Variants in ZBTB20 observed in about 807,000 individuals in gnomAD.
ZBTB20 encodes the protein zinc finger and BTB domain-containing protein 20.
In ZBTB20, 9 loss-of-function variants were observed where a neutral mutation model predicts 56.9. The ratio of observed to expected loss-of-function variants is 0.16; its 90% CI spans 0.10 to 0.28. The LOEUF (loss-of-function observed/expected upper bound fraction) is 0.28. Among genes scored for constraint, ZBTB20 ranks in the 10% least tolerant of loss-of-function variants. ZBTB20 has a pLI of 1.00. For missense variants in ZBTB20, 655 were observed against 1,003.0 expected, an observed-to-expected ratio of 0.65 and a Z score of 4.69; for synonymous variants, 417 against 420.7, an observed-to-expected ratio of 0.99 and a Z score of 0.11.
chr3:115,084,419 C>T (rs1208636142), intron 1 of ZBTB20, among the ~76,000 whole-genome samples: 1 of 151,504 alleles, frequency 6.6e-6, no homozygotes, highest in African/African-American at 2.4e-5. Flanking sequence ...TTAGTAAACA[C>T]TGAAATATTT....
intron 5 of ZBTB20, among the ~76,000 whole-genome samples, chr3:114,740,778 T>C (rs2108591122): frequency 6.6e-6 from 1 of 152,332 alleles, no homozygotes; most frequent in East Asian, 1.9e-4. Context: ...AACACTAAAA[T>C]ACATTTTTCC....
chr3:114,869,706 A>G (rs549434861), intron 4 of ZBTB20, among the ~76,000 whole-genome samples: 2 of 152,316 alleles, frequency 1.3e-5, no homozygotes, highest in Admixed American at 6.5e-5. Flanking sequence ...ACAATAAACT[A>G]TATGTGTGAA....
chr3:114,954,322 C>G (rs1455791333), intron 3 of ZBTB20, among the ~76,000 whole-genome samples: 1 of 151,974 alleles, frequency 6.6e-6, no homozygotes, highest in Non-Finnish European at 1.5e-5. Context: ...AATGATTCAA[C>G]AAACAGAAAA....
chr3:114,752,932 C>T (rs113966135), intron 5 of ZBTB20, among the ~76,000 whole-genome samples: 37 of 152,196 alleles, frequency 2.4e-4, no homozygotes, highest in African/African-American at 6.5e-4. Context: ...CACACATACA[C>T]CAGAACAAGC....
At chr3:114,572,773 T>C (rs1181821764) in intron 6 of ZBTB20, among the ~76,000 whole-genome samples, 2 of 152,230 alleles carry the variant, frequency 1.3e-5, no homozygotes, top group African/African-American at 4.8e-5. Context: ...ATCTGGTTCA[T>C]TCTCTCTGGC....
chr3:114,316,165 A>C lies in ZBTB20; in HGVS notation c.*22840T>G, dbSNP rs2078676914. On this transcript the variant is annotated 3_prime_UTR_variant, in exon 12 of 12. Transcript: ENST00000675478. ...AGCCAGAAACTGAAATCAAATCAAC[A>C]TGACTAAAAGAAATAACTGATGAAA... The C allele has an allele frequency of 4.0e-6, 1 of 247,580 alleles. No individual in the cohort carries two copies. Among genetic ancestry groups the C allele is most frequent in the Non-Finnish European group, 7.8e-6 (1 of 128,824 alleles). 15.3% of individuals were successfully genotyped at this position (247,580 alleles called of 1,614,324 possible). A position where few individuals can be genotyped will look rare whatever the true frequency, so the allele number is the denominator to read the frequency against.
At chr3:114,908,146 T>C (rs964959602) in intron 3 of ZBTB20, among the ~76,000 whole-genome samples, 1 of 151,910 alleles carries the variant, frequency 6.6e-6, no homozygotes, top group African/African-American at 2.4e-5. Flanking sequence ...TATTAAAATA[T>C]AAAGGTATAC....
intron 7 of ZBTB20, among the ~76,000 whole-genome samples, chr3:114,479,160 C>T (rs1399262288): frequency 6.6e-6 from 1 of 151,962 alleles, no homozygotes; most frequent in Non-Finnish European, 1.5e-5. Flanking sequence ...AATAAGAAAG[C>T]AGAGAATTTG....
intron 4 of ZBTB20, among the ~76,000 whole-genome samples, chr3:114,842,416 T>C (rs1181844435): frequency 6.6e-6 from 1 of 152,294 alleles, no homozygotes; most frequent in East Asian, 1.9e-4. Flanking sequence ...CCTTACCCCT[T>C]CTTTAAAAAC....
intron 5 of ZBTB20, among the ~76,000 whole-genome samples, chr3:114,725,313 C>A (rs1468092019): frequency 6.6e-6 from 1 of 152,174 alleles, no homozygotes; most frequent in Non-Finnish European, 1.5e-5. Context: ...ACATTATCTT[C>A]ATCTCTTTTC....
chr3:114,427,704 T>C (rs1378698130), intron 7 of ZBTB20, among the ~76,000 whole-genome samples: 1 of 152,250 alleles, frequency 6.6e-6, no homozygotes, highest in African/African-American at 2.4e-5. Context: ...TGTCTGGGTC[T>C]TCCCCTCAGC....
At chr3:114,547,978 A>G (rs2050097424) in intron 6 of ZBTB20, among the ~76,000 whole-genome samples, 1 of 152,180 alleles carries the variant, frequency 6.6e-6, no homozygotes, top group Admixed American at 6.5e-5. Context: ...AAAAATCAAT[A>G]ATTTTTCTTA....
At chr3:115,037,280 G>T (rs894622380) in intron 2 of ZBTB20, among the ~76,000 whole-genome samples, 5 of 151,380 alleles carry the variant, frequency 3.3e-5, no homozygotes, top group East Asian at 3.9e-4. Flanking sequence ...AGAAATTTTT[G>T]GGGGGGGCGG....
intron 3 of ZBTB20, among the ~76,000 whole-genome samples, chr3:114,940,646 ATTAAT>A (rs1399173851): frequency 6.8e-6 from 1 of 146,540 alleles, no homozygotes; most frequent in Non-Finnish European, 1.5e-5. Flanking sequence ...TCTGTAAGTA[ATTAAT>A]TTAATGATTA....
At chr3:114,766,050 C>G (rs1308598687) in intron 5 of ZBTB20, among the ~76,000 whole-genome samples, 1 of 152,042 alleles carries the variant, frequency 6.6e-6, no homozygotes, top group Non-Finnish European at 1.5e-5. Flanking sequence ...AAGAGAAGTT[C>G]TGGGTAAAGA....
intron 5 of ZBTB20, among the ~76,000 whole-genome samples, chr3:114,699,850 A>G (rs957236490): frequency 2.6e-5 from 4 of 152,100 alleles, no homozygotes; most frequent in African/African-American, 4.8e-5. Flanking sequence ...GAGACTCAGA[A>G]TTAATTTTCT....
intron 5 of ZBTB20, among the ~76,000 whole-genome samples, chr3:114,703,430 A>AC (rs2063516270): frequency 6.6e-6 from 1 of 152,152 alleles, no homozygotes; most frequent in Admixed American, 6.6e-5. Flanking sequence ...GAATGTTCCT[A>AC]CAACAAGCTG....
intron 5 of ZBTB20, among the ~76,000 whole-genome samples, chr3:114,749,516 G>A (rs891318241): frequency 3.3e-5 from 5 of 151,380 alleles, no homozygotes; most frequent in African/African-American, 1.2e-4. Context: ...TCGCACCATT[G>A]CACTCCAACC....
chr3:115,100,015 G>A (rs1205526941), intron 1 of ZBTB20, among the ~76,000 whole-genome samples: 1 of 152,080 alleles, frequency 6.6e-6, no homozygotes, highest in Non-Finnish European at 1.5e-5. Context: ...GCCTCCTACA[G>A]ATGTTCTAAA....
Sources: allele counts gnomAD v4.1 joint callset (sites outside exome capture counted in the v4.1 genomes callset), GRCh38; gene constraint gnomAD v4.1.1; transcripts MANE v1.5; gene names NCBI Gene and HGNC (gene_info 2026-07-23, HGNC 2026-07-21).